The following ALMS1 variants were observed in gnomAD, a reference collection of about 807,000 sequenced individuals.
The protein encoded by ALMS1 is ALMS1 centrosome and basal body associated protein.
ALMS1 carries 271 observed loss-of-function variants against 352.2 expected under a neutral mutation model. That is an observed-to-expected ratio of 0.77 (90% confidence interval 0.70 to 0.85). The LOEUF (loss-of-function observed/expected upper bound fraction) is 0.85. Among genes scored for constraint, ALMS1 ranks in the 40% least tolerant of loss-of-function variants. The pLI, the probability that ALMS1 is intolerant of heterozygous loss-of-function variation, is 0.00. For synonymous variants in ALMS1, 1,865 were observed against 1,761.2 expected, an observed-to-expected ratio of 1.06 and a Z score of -1.48; for missense variants, 5,445 against 4,870.7, an observed-to-expected ratio of 1.12 and a Z score of -3.51.
chr2:73,439,595 C>A (rs766312135), intron 7 of ALMS1, among the ~76,000 whole-genome samples: 6 of 152,162 alleles, frequency 3.9e-5, no homozygotes, highest in Admixed American at 3.9e-4. Context: ...GGCTGGAGTA[C>A]GGTGGTGTGA....
Position 73,453,750 on chromosome 2 carries a change from T to C in ALMS1, c.7223T>C (p.Met2408Thr). ...TIGNKIIIPM[M>T]TVIKSDSSSD... ...GGGAATAAAATTATTATCCCTATGA[T>C]GACTGTCATAAAAAGTGATTCAAGT... Residue 2408 changes from methionine (M) to threonine (T), a missense_variant, in exon 8 of 23, where the codon ATG becomes ACG. Coordinates refer to ENST00000613296, the MANE Select transcript of ALMS1 (RefSeq NM_001378454.1). The C allele has an allele frequency of 1.2e-6, 2 of 1,614,168 alleles. No homozygotes were observed. Among genetic ancestry groups the C allele is most frequent in the Non-Finnish European group, 1.7e-6 (2 of 1,180,008 alleles).
chr2:73,550,299 G>C lies in ALMS1; in HGVS notation c.9940G>C (p.Ala3314Pro). ...TGATGCCATTGCTCCAGACTTCCCA[G>C]CTCAGGTGCTAGGCACAAGAGATGA... ...SNDAIAPDFPAQVLGTRDDDL... is the reference protein window; with the variant it reads ...SNDAIAPDFPPQVLGTRDDDL... The change falls in exon 13 of 23, where the codon GCT becomes CCT. Residue 3314 changes from alanine (A) to proline (P), a missense_variant. Ala to Pro is a conservative substitution (Grantham distance 27). Transcript: ENST00000613296. The C allele has an allele frequency of 3.1e-6, 5 of 1,614,044 alleles. No homozygotes were observed. The highest frequency in any genetic ancestry group is 4.2e-6 in the Non-Finnish European group (5 of 1,179,974).
chr2:73,385,772 G>T, upstream of ALMS1: 1 of 600,770 alleles, frequency 1.7e-6, no homozygotes, highest in East Asian at 3.0e-5. Context: ...GGGCGGCACT[G>T]CGCCTAAGCT....
chr2:73,478,910 A>G (rs1672638345), intron 9 of ALMS1, among the ~76,000 whole-genome samples: 1 of 151,494 alleles, frequency 6.6e-6, no homozygotes, highest in African/African-American at 2.4e-5. Flanking sequence ...TCATTGTTCA[A>G]CTCCCATTTA....
At chr2:73,465,193 C>G (rs1672304781) in intron 9 of ALMS1, among the ~76,000 whole-genome samples, 1 of 151,966 alleles carries the variant, frequency 6.6e-6, no homozygotes. Flanking sequence ...AATCCTAAGC[C>G]AAAAGAACAA....
intron 3 of ALMS1, among the ~76,000 whole-genome samples, chr2:73,421,953 A>AT (rs1300620423): frequency 2.6e-5 from 4 of 151,670 alleles, no homozygotes; most frequent in East Asian, 1.9e-4. Context: ...AATCACAAGA[A>AT]TTTTTTTTTC....
chr2:73,557,345 G>T lies in ALMS1; in HGVS notation c.10204G>T (p.Asp3402Tyr). Residue 3402 changes from aspartate (D) to tyrosine (Y), a missense_variant, in exon 14 of 23, where the codon GAT becomes TAT. Asp to Tyr is a radical substitution (Grantham distance 160). Coordinates refer to ENST00000613296, the MANE Select transcript of ALMS1 (RefSeq NM_001378454.1). ...QAKEKESLQK[D>Y]TADSSAAAAA... ...TAAAGAAAAAGAATCTTTGCAGAAA[G>T]ATACTGCAGGTAGCTAAACTGGATT... is the stretch of plus-strand genomic sequence containing the variant. 1 of 1,614,128 alleles carries T rather than the reference G, an allele frequency of 6.2e-7. No individual in the cohort carries two copies. The highest frequency in any genetic ancestry group is 8.5e-7 in the Non-Finnish European group (1 of 1,179,982).
chr2:73,586,923 T>A (rs1045102118), intron 16 of ALMS1, among the ~76,000 whole-genome samples: 4 of 152,222 alleles, frequency 2.6e-5, no homozygotes, highest in African/African-American at 4.8e-5. Context: ...AATGATTTCT[T>A]TCAGCAGTGT....
intron 11 of ALMS1, among the ~76,000 whole-genome samples, chr2:73,534,540 C>T (rs190928122): frequency 1.3e-5 from 2 of 152,260 alleles, no homozygotes; most frequent in East Asian, 3.9e-4. Context: ...ACCCCAATTT[C>T]TCCTGTATTC....
chr2:73,395,078 A>ATATATAT (rs1243905312), intron 1 of ALMS1, among the ~76,000 whole-genome samples: 1 of 101,352 alleles, frequency 9.9e-6, no homozygotes, highest in African/African-American at 4.7e-5. Context: ...ATATATATAT[A>ATATATAT]TTTTTTTTTT....
chr2:73,470,828 G>T (rs766365200), intron 9 of ALMS1: 5 of 151,760 alleles, frequency 3.3e-5, no homozygotes, highest in Admixed American at 3.3e-4. Flanking sequence ...TCTTCCTAAT[G>T]AATTGACTCT....
Position 73,451,631 on chromosome 2 carries a change from A to T in ALMS1, c.5104A>T (p.Thr1702Ser). The T allele has an allele frequency of 6.2e-7, 1 of 1,614,094 alleles. No individual in the cohort carries two copies. Among genetic ancestry groups the T allele is most frequent in the Non-Finnish European group, 8.5e-7 (1 of 1,179,992 alleles). ...PPVPGPDAQK[T>S]ETPSVSSSLY... ...TGTTCCTGGACCAGATGCCCAGAAG[A>T]CTGAGACACCATCAGTATCCTCTAG... Residue 1702 changes from threonine (T) to serine (S), a missense_variant, in exon 8 of 23, where the codon ACT (threonine) becomes TCT (serine). Thr to Ser is a moderately conservative substitution (Grantham distance 58). Coordinates refer to ENST00000613296, the MANE Select transcript of ALMS1 (RefSeq NM_001378454.1).
chr2:73,461,178 A>T (rs1672191719), intron 9 of ALMS1, among the ~76,000 whole-genome samples: 1 of 152,220 alleles, frequency 6.6e-6, no homozygotes, highest in Non-Finnish European at 1.5e-5. Context: ...CCTAACTGGG[A>T]GGCACCCCCC....
Position 73,449,877 on chromosome 2 carries a change from C to T in ALMS1, c.3350C>T (p.Pro1117Leu). ...YQQTLPESHL[P>L]KEALKISVAP... ...CAGACCTTGCCAGAGAGTCATCTGC[C>T]TAAAGAGGCTCTGAAAATTTCAGTA... is the stretch of plus-strand genomic sequence containing the variant. The change falls in exon 8 of 23, where the codon CCT becomes CTT. Residue 1117 changes from proline to leucine, a missense_variant. Pro to Leu is a moderately conservative substitution (Grantham distance 98). Coordinates refer to ENST00000613296, the MANE Select transcript of ALMS1 (RefSeq NM_001378454.1). 1 of 1,613,960 alleles carries T rather than the reference C, an allele frequency of 6.2e-7. No individual in the cohort carries two copies. The highest frequency in any genetic ancestry group is 1.1e-5 in the South Asian group (1 of 91,072).
At chr2:73,456,856 A>T (rs1672076975) in intron 9 of ALMS1, 1 of 152,184 alleles carries the variant, frequency 6.6e-6, no homozygotes, top group East Asian at 1.9e-4. Flanking sequence ...TAGTTTTCTC[A>T]GTGATCTGTG....
At chr2:73,408,857 T>TTA in intron 2 of ALMS1, 110 bp downstream of exon 2, 2 of 911,688 alleles carry the variant, frequency 2.2e-6, no homozygotes, top group Non-Finnish European at 3.0e-6. Flanking sequence ...ATATTATGTT[T>TTA]TCTTGTCTTT....
chr2:73,591,458 A>G (rs539469260), intron 16 of ALMS1, among the ~76,000 whole-genome samples: 15 of 152,368 alleles, frequency 9.8e-5, no homozygotes, highest in Admixed American at 9.8e-4. Flanking sequence ...GACTCCAATC[A>G]GTTAGAATTG....
At chr2:73,401,879 A>C (rs574663731) in intron 1 of ALMS1, among the ~76,000 whole-genome samples, 1 of 152,150 alleles carries the variant, frequency 6.6e-6, no homozygotes, top group Non-Finnish European at 1.5e-5. Flanking sequence ...TTTGTACTTG[A>C]CTTTAAAAAA....
In ALMS1 at chr2:73,450,264, G is replaced by A; in HGVS notation, c.3737G>A (p.Gly1246Asp). ...SASYSHTEKP[G>D]IFYQQVLPDN... ...TCTTACTCACACACAGAGAAGCCTGGTATTTTCTACCAACAGGTCTTGCCA... is the reference window on the plus strand; with the variant it reads ...TCTTACTCACACACAGAGAAGCCTGATATTTTCTACCAACAGGTCTTGCCA... The change falls in exon 8 of 23, where the codon GGT becomes GAT. Residue 1246 changes from glycine (G) to aspartate (D), a missense_variant. Gly to Asp is a moderately conservative substitution (Grantham distance 94). Coordinates refer to ENST00000613296, the MANE Select transcript of ALMS1 (RefSeq NM_001378454.1). 6.2e-7 allele frequency: 1 copy of A among 1,613,976 alleles called. No homozygotes were observed. The highest frequency in any genetic ancestry group is 8.5e-7 in the Non-Finnish European group (1 of 1,179,982).
Sources: allele counts gnomAD v4.1 joint callset (sites outside exome capture counted in the v4.1 genomes callset), GRCh38; gene constraint gnomAD v4.1.1; transcripts MANE v1.5; gene names NCBI Gene and HGNC (gene_info 2026-07-23, HGNC 2026-07-21).